The following ZNF268 variants were observed in gnomAD, a reference collection of about 807,000 sequenced individuals.
ZNF268 encodes zinc finger protein 3.
In ZNF268, 20 loss-of-function variants were observed where a neutral mutation model predicts 29.3. The ratio of observed to expected loss-of-function variants is 0.68; its 90% CI spans 0.48 to 0.99. The LOEUF is 0.99. Ranked by LOEUF, ZNF268 falls within the 50% of genes least tolerant of loss-of-function variation. The pLI, the probability that ZNF268 is intolerant of heterozygous loss-of-function variation, is 0.00. For missense variants in ZNF268, 1,240 were observed against 1,121.6 expected (o/e 1.11, Z -1.51); for synonymous variants, 429 against 376.9 (o/e 1.14, Z -1.60).
intron 3 of ZNF268, among the ~76,000 whole-genome samples, chr12:133,188,415 A>G (rs1003580680): frequency 6.6e-6 from 1 of 151,990 alleles, no homozygotes; most frequent in African/African-American, 2.4e-5. Flanking sequence ...CAGGCTGGTC[A>G]TCAACTCCTA....
chr12:133,206,454 A>G lies in ZNF268; in HGVS notation c.*1924A>G, dbSNP rs1439590189. 1 of 152,204 alleles carries G rather than the reference A, an allele frequency of 6.6e-6. No homozygotes were observed. The highest frequency in any genetic ancestry group is 2.4e-5 in the African/African-American group (1 of 41,450). 9.4% of individuals were successfully genotyped at this position (152,204 alleles called of 1,614,324 possible). ...TGATACTACTTAGTTACATGTAGCT[A>G]TAGAGTCACAGTGGTGAAAAACTCT... On this transcript the variant is annotated 3_prime_UTR_variant, in exon 6 of 6. Coordinates refer to ENST00000536435, the MANE Select transcript of ZNF268 (RefSeq NM_003415.3).
Position 133,213,023 on chromosome 12 carries a change from T to C in ZNF268, c.*8493T>C, listed in dbSNP as rs141865823. ...TGCCACCATGTATGGCTATTTTTTG[T>C]ATTTTTAGTAGAGACAGGGTTTCAC... On this transcript the variant is annotated 3_prime_UTR_variant, in exon 6 of 6. Transcript: ENST00000536435. The C allele has an allele frequency of 0.091, 13,841 of 152,220 alleles. 1,141 individuals are homozygous for C. Among genetic ancestry groups the C allele is most frequent in the African/African-American group, 0.23 (9,417 of 41,488 alleles). The allele number at this position is 152,220 out of a possible 1,614,324, so 9.4% of individuals were successfully genotyped here. A position where few individuals can be genotyped will look rare whatever the true frequency, so the allele number is the denominator to read the frequency against.
Position 133,208,637 on chromosome 12 carries a change from A to G in ZNF268, c.*4107A>G, listed in dbSNP as rs1956939552. 2 of 152,264 alleles carry G rather than the reference A, an allele frequency of 1.3e-5. No individual in the cohort carries two copies. The highest frequency in any genetic ancestry group is 1.3e-4 in the Admixed American group (2 of 15,286). 9.4% of individuals were successfully genotyped at this position (152,264 alleles called of 1,614,324 possible). A position where few individuals can be genotyped will look rare whatever the true frequency, so the allele number is the denominator to read the frequency against. ...GCCCCTGCACTCCATCCTGGGCAAC[A>G]AAGTGAGACCCTGTCTGTAAAAAAC... On this transcript the variant is annotated 3_prime_UTR_variant, in exon 6 of 6. Coordinates refer to ENST00000536435, the MANE Select transcript of ZNF268 (RefSeq NM_003415.3).
In ZNF268 at chr12:133,210,928, GT is replaced by G. The variant is rs1566396116; in HGVS notation, c.*6402del. 1 of 455,908 alleles carries G rather than the reference GT, an allele frequency of 2.2e-6. No individual in the cohort carries two copies. The highest frequency in any genetic ancestry group is 2.0e-5 in the African/African-American group (1 of 50,058). The allele number at this position is 455,908 out of a possible 1,614,324, so 28.2% of individuals were successfully genotyped here. Reference sequence around the variant, plus strand: ...CAGTGTTGGATGGTCAGTGCTTCCTGTTTTGTGATGGCCATGTGCCCCCTCT... The same window carrying G: ...CAGTGTTGGATGGTCAGTGCTTCCTGTTTGTGATGGCCATGTGCCCCCTCT... On this transcript the variant is annotated 3_prime_UTR_variant, in exon 6 of 6. Coordinates refer to ENST00000536435, the MANE Select transcript of ZNF268 (RefSeq NM_003415.3).
At position 133,204,066 on chromosome 12, in the gene ZNF268, T is replaced by C. The variant is rs1391102812; in HGVS notation, c.2380T>C (p.Tyr794His). The change falls in exon 6 of 6, where the codon TAC (tyrosine) becomes CAC (histidine). Residue 794 changes from tyrosine (Y) to histidine (H), a missense_variant. Physicochemically the swap from Tyr to His is moderately conservative, Grantham distance 83. Coordinates refer to ENST00000536435, the MANE Select transcript of ZNF268 (RefSeq NM_003415.3). ...ECGKAFSSKSYLIIHMRTHSG... is the reference protein window; with the variant it reads ...ECGKAFSSKSHLIIHMRTHSG... ...TGGGAAAGCTTTTAGCAGCAAGTCA[T>C]ACCTAATTATACACATGAGAACTCA... is the stretch of plus-strand genomic sequence containing the variant. 1.3e-5 allele frequency: 20 copies of C among 1,556,436 alleles called. No homozygotes were observed. Among genetic ancestry groups the C allele is most frequent in the Non-Finnish European group, 1.7e-5 (20 of 1,153,830 alleles).
chr12:133,194,466 C>G, intron 5 of ZNF268, among the ~76,000 whole-genome samples: 1 of 152,094 alleles, frequency 6.6e-6, no homozygotes, highest in East Asian at 1.9e-4. Flanking sequence ...TCTTGCAGTT[C>G]TAGTTGATGC....
At position 133,214,412 on chromosome 12, in the gene ZNF268, G is replaced by GT. The variant is rs1383000011; in HGVS notation, c.*9883dup. 6 of 152,204 alleles carry GT rather than the reference G, an allele frequency of 3.9e-5. No homozygotes were observed. The highest frequency in any genetic ancestry group is 1.4e-4 in the African/African-American group (6 of 41,416). 9.4% of individuals were successfully genotyped at this position (152,204 alleles called of 1,614,324 possible). The stretch of plus-strand genomic sequence containing the variant: ...GAACCCAGCACAAGGCCACACACCT[G>GT]TAATCCCAGCTACTCGGGAGGCTGA... On this transcript the variant is annotated 3_prime_UTR_variant, in exon 6 of 6. Coordinates refer to ENST00000536435, the MANE Select transcript of ZNF268 (RefSeq NM_003415.3).
intron 5 of ZNF268, among the ~76,000 whole-genome samples, chr12:133,196,151 A>G (rs1264672555): frequency 2.0e-5 from 3 of 151,202 alleles, no homozygotes; most frequent in Non-Finnish European, 3.0e-5. Context: ...GTGAAACCCC[A>G]TCTCTACTAA....
At chr12:133,193,840 G>A (rs550559839) in intron 5 of ZNF268, among the ~76,000 whole-genome samples, 15 of 152,118 alleles carry the variant, frequency 9.9e-5, no homozygotes, top group East Asian at 1.9e-4. Context: ...CCCTGGCCTC[G>A]TTTTCAGAAA....
Position 133,203,597 on chromosome 12 carries a change from GA to G in ZNF268, c.1914del (p.Lys638AsnfsTer28), listed in dbSNP as rs754497476. On this transcript the variant is annotated frameshift_variant, in exon 6 of 6. Transcript: ENST00000536435. LOFTEE classifies it low-confidence loss of function (END_TRUNC). ...TACATCAGAGAACTCATACAGGAGA[GA>G]AACCCTATAGTTGTAATGAATGTGG... is the stretch of plus-strand genomic sequence containing the variant. ...IVHQRTHTGE[K>X]PYSCNECGKA... The G allele has an allele frequency of 6.9e-5, 108 of 1,570,052 alleles. No individual in the cohort carries two copies. Among genetic ancestry groups the G allele is most frequent in the Non-Finnish European group, 8.4e-5 (98 of 1,161,038 alleles).
chr12:133,188,231 C>A, intron 3 of ZNF268, 159 bp downstream of exon 3: 1 of 667,638 alleles, frequency 1.5e-6, no homozygotes, highest in African/African-American at 1.8e-5. Flanking sequence ...GGGTCTTGGT[C>A]TGTTGCCCAG....
At chr12:133,190,535 TC>T in intron 3 of ZNF268, among the ~76,000 whole-genome samples, 1 of 152,334 alleles carries the variant, frequency 6.6e-6, no homozygotes, top group South Asian at 2.1e-4. Flanking sequence ...GATTTGCAAT[TC>T]CCTAATGACA....
chr12:133,182,203 C>T (rs1306446986), intron 2 of ZNF268, among the ~76,000 whole-genome samples, 173 bp downstream of exon 2: 1 of 152,154 alleles, frequency 6.6e-6, no homozygotes, highest in Non-Finnish European at 1.5e-5. Context: ...TCTTGTCATC[C>T]GACTTCCTTT....
At position 133,204,239 on chromosome 12, in the gene ZNF268, T is replaced by C. The variant is rs1367769855; in HGVS notation, c.2553T>C (p.Leu851=). ...CEKSFSGKLR[L]LVHQRMHTRE... is the part of the protein sequence containing the mutation. Reference sequence around the variant, plus strand: ...AATCCTTCAGTGGGAAATTACGCCTTCTTGTACACCAGAGAATGCACACAA... The same window carrying C: ...AATCCTTCAGTGGGAAATTACGCCTCCTTGTACACCAGAGAATGCACACAA... Residue 851 remains leucine (L), a synonymous_variant, in exon 6 of 6, where the codon CTT becomes CTC. Coordinates refer to ENST00000536435, the MANE Select transcript of ZNF268 (RefSeq NM_003415.3). 13 of 1,543,824 alleles carry C rather than the reference T, an allele frequency of 8.4e-6. No homozygotes were observed. The highest frequency in any genetic ancestry group is 1.7e-4 in the Middle Eastern group (1 of 5,990).
rs1376758801 is a variant in ZNF268, at chr12:133,212,121, G to T, written c.*7591G>T. On this transcript the variant is annotated 3_prime_UTR_variant, in exon 6 of 6. Transcript: ENST00000536435. ...AAGTGAAAGAGACCAGTGTGAAAAG[G>T]CTGTATGATCCTATTTCTATGATGT... The T allele has an allele frequency of 1.3e-5, 2 of 152,150 alleles. No individual in the cohort carries two copies. The highest frequency in any genetic ancestry group is 2.9e-5 in the Non-Finnish European group (2 of 68,040). 9.4% of individuals were successfully genotyped at this position (152,150 alleles called of 1,614,324 possible). A position where few individuals can be genotyped will look rare whatever the true frequency, so the allele number is the denominator to read the frequency against.
rs1035056500 is a variant in ZNF268, at chr12:133,205,245, A to G, written c.*715A>G. 5 of 149,166 alleles carry G rather than the reference A, an allele frequency of 3.4e-5. No homozygotes were observed. In the East Asian group the frequency reaches 9.7e-4, roughly 29 times the overall value. The allele number at this position is 149,166 out of a possible 1,614,324, so 9.2% of individuals were successfully genotyped here. ...TTTAGGAATCATTTTAAGAAATTTT[A>G]TTCCAGGTGTTCCAAAATTTCAGGA... On this transcript the variant is annotated 3_prime_UTR_variant, in exon 6 of 6. Coordinates refer to ENST00000536435, the MANE Select transcript of ZNF268 (RefSeq NM_003415.3).
intron 3 of ZNF268, among the ~76,000 whole-genome samples, chr12:133,188,760 T>C (rs1007427728): frequency 2.4e-4 from 36 of 152,224 alleles, no homozygotes; most frequent in African/African-American, 8.7e-4. Context: ...CAGTGATTCA[T>C]GCACATTAAA....
In ZNF268 at chr12:133,204,313, A is replaced by G; in HGVS notation, c.2627A>G (p.Asn876Ser). The change falls in exon 6 of 6, where the codon AAT becomes AGT. Residue 876 changes from asparagine (N) to serine (S), a missense_variant. Around this residue, in one of 3 missense-constraint regions of ZNF268, gnomAD observed 1,177 missense variants for 1,039.6 expected, o/e 1.13. Transcript: ENST00000536435. The stretch of plus-strand genomic sequence containing the variant: ...GAGTGTGGAAAAGCCTTCATTAGGA[A>G]TTCTCAACTCATTGTACATCAAAGA... Reference protein sequence around the residue: ...CSECGKAFIRNSQLIVHQRTH... With the variant: ...CSECGKAFIRSSQLIVHQRTH... The G allele has an allele frequency of 6.4e-7, 1 of 1,560,598 alleles. No homozygotes were observed. Among genetic ancestry groups the G allele is most frequent in the African/African-American group, 1.4e-5 (1 of 73,664 alleles).
At chr12:133,193,218 A>C (rs566969787) in intron 5 of ZNF268, among the ~76,000 whole-genome samples, 22 of 152,250 alleles carry the variant, frequency 1.4e-4, no homozygotes, top group Non-Finnish European at 2.6e-4. Flanking sequence ...CTGTTGTCCC[A>C]GCTCCTTGGG....
Sources: gnomAD v4.1 joint callset for allele counts (sites outside exome capture counted in the v4.1 genomes callset) on GRCh38, gnomAD v4.1.1 for gene constraint, gnomAD v4.1.1 regional missense constraint, MANE v1.5 for transcripts, NCBI Gene and HGNC (gene_info 2026-07-23, HGNC 2026-07-21) for gene names.